The following GALNT17 variants were observed in gnomAD, a reference collection of about 807,000 sequenced individuals.
GALNT17 encodes UDP-GalNAc:polypeptide N-acetylgalactosaminyltransferase-like 3.
A neutral mutation model predicts 63.7 loss-of-function variants in GALNT17; 29 were observed. The observed-to-expected ratio is 0.46, with a 90% CI of 0.34 to 0.62. The LOEUF (loss-of-function observed/expected upper bound fraction) is 0.62. Ranked by LOEUF, GALNT17 falls within the 20% of genes least tolerant of loss-of-function variation. GALNT17 has a pLI of 0.01. For synonymous variants in GALNT17, 305 were observed against 318.3 expected, an observed-to-expected ratio of 0.96 and a Z score of 0.45; for missense variants, 603 against 799.6, an observed-to-expected ratio of 0.75 and a Z score of 2.97.
chr7:71,636,383 C>T (rs1790528938), intron 6 of GALNT17, among the ~76,000 whole-genome samples: 1 of 151,918 alleles, frequency 6.6e-6, no homozygotes, highest in African/African-American at 2.4e-5. Context: ...GGGATAGGCT[C>T]CCAAGGAAGG....
chr7:71,632,654 GC>G (rs1790468845), intron 6 of GALNT17, among the ~76,000 whole-genome samples: 1 of 152,162 alleles, frequency 6.6e-6, no homozygotes, highest in African/African-American at 2.4e-5. Context: ...CCAGAATGTA[GC>G]AAGTGAGAAG....
chr7:71,435,665 C>T (rs746566404), intron 5 of GALNT17, among the ~76,000 whole-genome samples: 6 of 152,088 alleles, frequency 3.9e-5, no homozygotes, highest in South Asian at 2.1e-4. Flanking sequence ...ATTTCATCTC[C>T]GACCCAACCA....
chr7:71,423,684 CAGGAGG>C (rs1281791281), intron 5 of GALNT17, among the ~76,000 whole-genome samples: 6 of 152,076 alleles, frequency 3.9e-5, no homozygotes, highest in Non-Finnish European at 8.8e-5. Flanking sequence ...GAGGCCAAGG[CAGGAGG>C]ATTGCCTGAG....
intron 1 of GALNT17, among the ~76,000 whole-genome samples, chr7:71,221,446 C>T (rs1789582825): frequency 6.9e-6 from 1 of 144,050 alleles, no homozygotes; most frequent in Admixed American, 7.1e-5. Flanking sequence ...GGAGCCTCCT[C>T]TCTGGGGTCC....
chr7:71,259,734 C>T (rs763892157), intron 1 of GALNT17, among the ~76,000 whole-genome samples: 1 of 151,384 alleles, frequency 6.6e-6, no homozygotes, highest in Admixed American at 6.6e-5. Flanking sequence ...CTCCGCCTCC[C>T]GGGTTCATGC....
intron 5 of GALNT17, among the ~76,000 whole-genome samples, chr7:71,488,030 C>T (rs1263634415): frequency 3.3e-5 from 5 of 151,910 alleles, no homozygotes; most frequent in African/African-American, 7.3e-5. Flanking sequence ...ATTAACTGGG[C>T]GTGGTGGTGC....
chr7:71,529,003 C>T (rs771461108), intron 5 of GALNT17, among the ~76,000 whole-genome samples: 15 of 151,928 alleles, frequency 9.9e-5, no homozygotes, highest in Non-Finnish European at 1.8e-4. Flanking sequence ...GGCAGGGTGG[C>T]GAGTGCCTGT....
intron 1 of GALNT17, among the ~76,000 whole-genome samples, chr7:71,234,975 G>A (rs1789859940): frequency 6.6e-6 from 1 of 152,198 alleles, no homozygotes; most frequent in Non-Finnish European, 1.5e-5. Context: ...GTTCAGCGGG[G>A]CGCGGTGGCT....
intron 6 of GALNT17, among the ~76,000 whole-genome samples, chr7:71,575,010 A>G (rs7780865): frequency 1 from 152,274 of 152,302 alleles, 76,123 homozygotes; most frequent in Non-Finnish European, 1. Flanking sequence ...GTAGGCACCA[A>G]CATCTACTAC....
chr7:71,437,206 A>C (rs1786981474), intron 5 of GALNT17, among the ~76,000 whole-genome samples: 1 of 152,174 alleles, frequency 6.6e-6, no homozygotes, highest in African/African-American at 2.4e-5. Context: ...ACTACTCTGC[A>C]TCCTTTTGTA....
chr7:71,625,333 A>G (rs909438169), intron 6 of GALNT17, among the ~76,000 whole-genome samples: 1 of 151,864 alleles, frequency 6.6e-6, no homozygotes, highest in Admixed American at 6.6e-5. Context: ...TTTAGTAGAG[A>G]CAGGGTTTCA....
chr7:71,499,148 A>G (rs1010798112), intron 5 of GALNT17, among the ~76,000 whole-genome samples: 21 of 152,092 alleles, frequency 1.4e-4, no homozygotes, highest in African/African-American at 4.8e-4. Context: ...GTTAACTGCT[A>G]TTTAATTGAA....
At chr7:71,165,693 C>T (rs1011679624) in intron 1 of GALNT17, among the ~76,000 whole-genome samples, 8 of 152,156 alleles carry the variant, frequency 5.3e-5, no homozygotes, top group African/African-American at 1.4e-4. Flanking sequence ...TACATGTTTT[C>T]GTTTTGACCC....
intron 1 of GALNT17, among the ~76,000 whole-genome samples, chr7:71,244,960 A>T (rs977114697): frequency 6.6e-6 from 1 of 152,044 alleles, no homozygotes; most frequent in Non-Finnish European, 1.5e-5. Flanking sequence ...CAGAAAAAAA[A>T]AAATCAACCA....
At chr7:71,634,742 A>G (rs1345890537) in intron 6 of GALNT17, among the ~76,000 whole-genome samples, 1 of 137,068 alleles carries the variant, frequency 7.3e-6, no homozygotes, top group Admixed American at 8.0e-5. Context: ...CGACGGAGCG[A>G]GACTCCATCT....
chr7:71,184,977 TTC>T (rs1788813959), intron 1 of GALNT17, among the ~76,000 whole-genome samples: 3 of 118,876 alleles, frequency 2.5e-5, no homozygotes, highest in African/African-American at 1.1e-4. Flanking sequence ...CCTTCCTTCC[TTC>T]CTTCCTTCCT....
chr7:71,675,849 G>T (rs749679638), intron 8 of GALNT17, among the ~76,000 whole-genome samples: 2 of 152,078 alleles, frequency 1.3e-5, no homozygotes, highest in Non-Finnish European at 2.9e-5. Context: ...TTAACTGGGC[G>T]TGGTAGCGGG....
At chr7:71,289,703 A>G (rs189312954) in intron 1 of GALNT17, among the ~76,000 whole-genome samples, 6 of 152,122 alleles carry the variant, frequency 3.9e-5, no homozygotes, top group Non-Finnish European at 8.8e-5. Context: ...AAGATAGAGA[A>G]ACCCCGTCTC....
chr7:71,710,929 G>C lies in GALNT17; in HGVS notation c.1668+1G>C. 6.2e-7 allele frequency: 1 copy of C among 1,613,382 alleles called. No homozygotes were observed. Among genetic ancestry groups the C allele is most frequent in the Non-Finnish European group, 8.5e-7 (1 of 1,179,998 alleles). On this transcript the variant is annotated splice_donor_variant, in intron 10 of 10. Transcript: ENST00000333538. LOFTEE classifies it high-confidence loss of function. ...GTACAAGCGCTGGAACTTCATCCAG[G>C]TGAGTGCTGTATGGACAGAGCCAGC...
Sources: allele counts gnomAD v4.1 joint callset (sites outside exome capture counted in the v4.1 genomes callset), GRCh38; gene constraint gnomAD v4.1.1; transcripts MANE v1.5; gene names NCBI Gene and HGNC (gene_info 2026-07-23, HGNC 2026-07-21).